SPATA3: variants seen among roughly 807,000 people sequenced by gnomAD.
The protein encoded by SPATA3 is spermatogenesis-associated protein 3.
SPATA3 carries 6 observed loss-of-function variants against 5.7 expected under a neutral mutation model. That is an observed-to-expected ratio of 1.06 (90% CI 0.58 to 2.09). The LOEUF (loss-of-function observed/expected upper bound fraction) is 2.09, where lower values mean the gene tolerates loss of function less well. Among genes scored for constraint, SPATA3 ranks in the 30% most tolerant of loss-of-function variants. SPATA3 has a pLI of 0.00. For synonymous variants in SPATA3, 44 were observed against 48.4 expected, an observed-to-expected ratio of 0.91 and a Z score of 0.37; for missense variants, 155 against 130.4, an observed-to-expected ratio of 1.19 and a Z score of -0.92.
downstream of SPATA3, among the ~76,000 whole-genome samples, chr2:231,009,157 G>C (rs1004765911): frequency 3.3e-5 from 5 of 152,202 alleles, no homozygotes; most frequent in African/African-American, 1.2e-4. Context: ...TGGGTAACCT[G>C]TTACCAAAAG....
intron 1 of SPATA3, among the ~76,000 whole-genome samples, chr2:230,999,416 A>T (rs1032601820): frequency 6.6e-6 from 1 of 151,230 alleles, no homozygotes; most frequent in African/African-American, 2.4e-5. Context: ...TTTTGTAATT[A>T]AAAAAAAAGA....
intron 2 of SPATA3, among the ~76,000 whole-genome samples, chr2:231,002,057 C>A (rs1293512258): frequency 2.0e-5 from 3 of 152,198 alleles, no homozygotes; most frequent in Non-Finnish European, 4.4e-5. Flanking sequence ...AGACAGGGTC[C>A]ATATCTGGCC....
At chr2:230,999,360 A>G (rs1237792720) in intron 1 of SPATA3, among the ~76,000 whole-genome samples, 1 of 152,190 alleles carries the variant, frequency 6.6e-6, no homozygotes, top group African/African-American at 2.4e-5. Flanking sequence ...GCACTCTAAA[A>G]GGGTGAATTT....
intron 6 of SPATA3, among the ~76,000 whole-genome samples, chr2:231,015,108 C>T (rs141164784): frequency 1.3e-5 from 2 of 149,574 alleles, no homozygotes; most frequent in African/African-American, 2.5e-5. Context: ...CACCAGCAAA[C>T]CCTACAGAGT....
downstream of SPATA3, among the ~76,000 whole-genome samples, chr2:231,005,466 C>A (rs200038144): frequency 9.5e-5 from 1 of 10,532 alleles, no homozygotes; most frequent in Non-Finnish European, 2.2e-4. Flanking sequence ...ACCACCACCA[C>A]CACCATCATC....
At position 230,996,182 on chromosome 2, in the gene SPATA3, G is replaced by A. The variant is rs1016076393; in HGVS notation, c.791-4184G>A. The A allele has an allele frequency of 7.9e-5, 119 of 1,500,664 alleles. No individual in the cohort carries two copies. The African/African-American group carries it at 9.5e-4, about 12-fold the overall frequency. The allele number at this position is 1,500,664 out of a possible 1,614,324, so 93.0% of individuals were successfully genotyped here. On this transcript the variant is annotated intron_variant, in intron 1 of 2. Transcript: ENST00000645363. ...CAAACGGCCCCTCCAGGAGGGAGCC[G>A]GGAGATTACGCAGCTCCATGTAGGT...
chr2:231,013,910 G>A (rs1437604400), exon 6 of SPATA3: 1 of 151,278 alleles, frequency 6.6e-6, no homozygotes, highest in African/African-American at 2.4e-5. Context: ...GTGCAGCAGG[G>A]GCATGATCAG....
chr2:231,000,444 G>A lies in SPATA3; in HGVS notation c.869G>A (p.Gly290Glu), dbSNP rs568032493. 103 of 1,549,682 alleles carry A rather than the reference G, an allele frequency of 6.6e-5. No homozygotes were observed. The African/African-American group carries it at 1.2e-3, about 18-fold the overall frequency. The change falls in exon 2 of 3, where the codon GGG becomes GAG. Residue 290 changes from glycine to glutamate, a missense_variant. Coordinates refer to ENST00000645363, the Ensembl canonical transcript of SPATA3. Reference sequence around the variant, plus strand: ...AGCTCCGCTTGCTGGCGTCGTCTGGGGCTATGCCATAGCCGCATCTTCGAT... The same window carrying A: ...AGCTCCGCTTGCTGGCGTCGTCTGGAGCTATGCCATAGCCGCATCTTCGAT...
rs894066319 is a variant in SPATA3 at position 231,018,832 on chromosome 2, G to C, written c.*566-888G>C. Among the ~76,000 whole-genome samples, 25 of 151,008 alleles carry C rather than the reference G, an allele frequency of 1.7e-4. No individual in the cohort carries two copies. In the East Asian group the frequency reaches 4.1e-3, roughly 25 times the overall value. ...CCCAAGTAGCTGGGATTACAGGCACGTGCCACCACACCCAGCTAATTTTTT... is the reference window on the plus strand; with the variant it reads ...CCCAAGTAGCTGGGATTACAGGCACCTGCCACCACACCCAGCTAATTTTTT... On this transcript the variant is annotated intron_variant, in intron 6 of 8. Transcript: ENST00000452881.
chr2:231,000,379 C>T (rs1282786535), exon 2 of SPATA3: 6 of 1,515,408 alleles, frequency 4.0e-6, no homozygotes, highest in Admixed American at 4.2e-5. Context: ...CTCTGATTCG[C>T]GCCGGCCCGC....
chr2:231,006,984 G>A (rs1574668650), downstream of SPATA3: 1 of 152,342 alleles, frequency 6.6e-6, no homozygotes, highest in South Asian at 2.1e-4. Flanking sequence ...AGCTGAGCAG[G>A]AGCCAAGCCT....
chr2:231,006,045 A>T (rs1184225199), downstream of SPATA3, among the ~76,000 whole-genome samples: 1 of 151,770 alleles, frequency 6.6e-6, no homozygotes, highest in Admixed American at 6.6e-5. Flanking sequence ...AGATTAAAAA[A>T]TTAGCCAGGC....
rs1574654869 is a variant in SPATA3, at chr2:230,997,904, T to C, written c.791-2462T>C. On this transcript the variant is annotated intron_variant, in intron 1 of 2. Transcript: ENST00000645363. ...CACGTGATAATCCTATAAAAGTTCT[T>C]CCATATTATCTCCATTTTATAGATG... is the stretch of plus-strand genomic sequence containing the variant. Among the ~76,000 whole-genome samples the C allele has an allele frequency of 2.6e-5, 4 of 152,210 alleles. No individual in the cohort carries two copies. In the South Asian group the frequency reaches 8.3e-4, roughly 32 times the overall value.
At chr2:231,001,476 CCATCTCTCCTACA>C (rs1692350543) in intron 2 of SPATA3, among the ~76,000 whole-genome samples, 1 of 152,124 alleles carries the variant, frequency 6.6e-6, no homozygotes, top group African/African-American at 2.4e-5. Flanking sequence ...CTGAAAAACT[CCATCTCTCCTACA>C]CATGGAGATA....
intron 1 of SPATA3, among the ~76,000 whole-genome samples, chr2:230,997,094 A>G (rs1692153349): frequency 1.3e-5 from 2 of 152,298 alleles, no homozygotes; most frequent in South Asian, 4.1e-4. Context: ...TATTGTCCTC[A>G]GAGATCTAAG....
intron 2 of SPATA3, among the ~76,000 whole-genome samples, chr2:231,001,006 T>G (rs1574658565): frequency 6.6e-6 from 1 of 152,190 alleles, no homozygotes. Flanking sequence ...AAAAAACTAC[T>G]TGTAACTCAT....
intron 7 of SPATA3, chr2:231,020,029 A>AAT (rs1693037943): frequency 6.8e-6 from 1 of 147,090 alleles, no homozygotes; most frequent in Non-Finnish European, 1.5e-5. Flanking sequence ...AAAAAAAAAA[A>AAT]CAGTTACCTC....
downstream of SPATA3, among the ~76,000 whole-genome samples, chr2:231,011,072 C>CAAAAAAA (rs556496371): frequency 0.022 from 1,755 of 79,650 alleles, 106 homozygotes; most frequent in South Asian, 0.13. Flanking sequence ...GACCCTGTCT[C>CAAAAAAA]AAAAAAAAAA....
At chr2:231,011,098 AAAG>A (rs372107519), downstream of SPATA3, among the ~76,000 whole-genome samples, 3 of 134,072 alleles carry the variant, frequency 2.2e-5, no homozygotes, top group Admixed American at 7.3e-5. Flanking sequence ...AAGAAAAGAA[AAAG>A]AAAGCCATCA....
Sources: allele counts gnomAD v4.1 joint callset (sites outside exome capture counted in the v4.1 genomes callset), GRCh38; gene constraint gnomAD v4.1.1; transcripts MANE v1.5; gene names NCBI Gene and HGNC (gene_info 2026-07-23, HGNC 2026-07-21).